The following SUMF1 variants were observed in gnomAD, a reference collection of about 807,000 sequenced individuals.
The protein encoded by SUMF1 is sulfatase modifying factor 1.
A neutral mutation model predicts 47.6 loss-of-function variants in SUMF1; 48 were observed. The ratio of observed to expected loss-of-function variants is 1.01; its 90% CI spans 0.80 to 1.28. The LOEUF is 1.28. SUMF1 is among the 50% of genes most tolerant of loss of function. The pLI, the probability that SUMF1 is intolerant of heterozygous loss-of-function variation, is 0.00. For synonymous variants in SUMF1, 230 were observed against 192.1 expected, an observed-to-expected ratio of 1.20 and a Z score of -1.63; for missense variants, 571 against 485.4, an observed-to-expected ratio of 1.18 and a Z score of -1.66.
At chr3:4,217,581 C>T (rs963467645) in intron 8 of SUMF1, among the ~76,000 whole-genome samples, 1 of 97,758 alleles carries the variant, frequency 1.0e-5, no homozygotes, top group Non-Finnish European at 2.2e-5. Flanking sequence ...CCTTCAGAGA[C>T]AACATTTTGT....
At chr3:4,152,712 C>T (rs1387063493) in intron 8 of SUMF1, among the ~76,000 whole-genome samples, 2 of 151,482 alleles carry the variant, frequency 1.3e-5, no homozygotes, top group East Asian at 1.9e-4. Flanking sequence ...CTTGGCTAGA[C>T]CAATGCTTCA....
chr3:4,107,109 G>C (rs1693176411), intron 8 of SUMF1, among the ~76,000 whole-genome samples: 1 of 152,010 alleles, frequency 6.6e-6, no homozygotes, highest in Admixed American at 6.6e-5. Context: ...GGGCATGGAG[G>C]AGCTTCACGG....
intron 9 of SUMF1, among the ~76,000 whole-genome samples, chr3:4,053,257 T>C (rs1276744030): frequency 1.3e-5 from 2 of 152,058 alleles, no homozygotes; most frequent in Non-Finnish European, 2.9e-5. Flanking sequence ...CACACAAGAT[T>C]TATCGATTAA....
chr3:4,276,995 T>C (rs1195683957), intron 8 of SUMF1, among the ~76,000 whole-genome samples: 5 of 152,142 alleles, frequency 3.3e-5, no homozygotes, highest in Non-Finnish European at 7.4e-5. Flanking sequence ...GAAAGAAAGA[T>C]GAGGTAAAAT....
intron 7 of SUMF1, among the ~76,000 whole-genome samples, chr3:4,403,399 T>G (rs1230637402): frequency 1.3e-5 from 2 of 152,164 alleles, no homozygotes; most frequent in African/African-American, 4.8e-5. Context: ...ATGCTGTGTA[T>G]AATTCTGGGT....
intron 8 of SUMF1, among the ~76,000 whole-genome samples, chr3:4,327,916 G>A (rs1698977261): frequency 6.6e-6 from 1 of 152,126 alleles, no homozygotes; most frequent in African/African-American, 2.4e-5. Context: ...ATAATTCAAG[G>A]ATTTTAAAAG....
chr3:4,108,481 T>A (rs1489860053), intron 8 of SUMF1, among the ~76,000 whole-genome samples: 2 of 152,074 alleles, frequency 1.3e-5, no homozygotes, highest in African/African-American at 4.8e-5. Flanking sequence ...ATATCCTTGT[T>A]AACTTTCTGT....
chr3:4,140,066 G>A (rs952644), intron 8 of SUMF1, among the ~76,000 whole-genome samples: 66,921 of 151,704 alleles, frequency 0.44, 15,302 homozygotes, highest in Non-Finnish European at 0.5. Context: ...CACTGTTCTC[G>A]CCTAACTCAA....
intron 9 of SUMF1, among the ~76,000 whole-genome samples, chr3:4,040,504 T>G (rs910535468): frequency 2.0e-5 from 3 of 152,304 alleles, no homozygotes; most frequent in Admixed American, 6.5e-5. Flanking sequence ...ATATATTTAT[T>G]GAACATGCAA....
chr3:4,378,054 A>G (rs1426904851), intron 7 of SUMF1, among the ~76,000 whole-genome samples: 1 of 152,256 alleles, frequency 6.6e-6, no homozygotes, highest in East Asian at 1.9e-4. Context: ...TTCCAGGTAC[A>G]GATGCTCCTT....
At chr3:4,207,760 G>A (rs1363946199) in intron 8 of SUMF1, among the ~76,000 whole-genome samples, 4 of 152,054 alleles carry the variant, frequency 2.6e-5, no homozygotes, top group African/African-American at 9.7e-5. Context: ...GCAAACCTCT[G>A]CCCCAAAAAC....
chr3:4,170,471 A>C (rs981297653), intron 8 of SUMF1, among the ~76,000 whole-genome samples: 1 of 152,206 alleles, frequency 6.6e-6, no homozygotes, highest in East Asian at 1.9e-4. Context: ...CACCAATTTA[A>C]GCGTGATGTA....
At chr3:4,310,501 C>T (rs923495821) in intron 8 of SUMF1, among the ~76,000 whole-genome samples, 8 of 152,166 alleles carry the variant, frequency 5.3e-5, no homozygotes, top group Non-Finnish European at 7.4e-5. Flanking sequence ...ATATCCATCA[C>T]GGGGAAAAAA....
chr3:4,226,270 T>TC (rs1696172375), intron 8 of SUMF1, among the ~76,000 whole-genome samples: 1 of 95,634 alleles, frequency 1.0e-5, no homozygotes, highest in African/African-American at 5.0e-5. Context: ...GTTTCTTTTT[T>TC]TTTTTTTTTT....
At chr3:4,147,093 T>C (rs1694213253) in intron 8 of SUMF1, among the ~76,000 whole-genome samples, 1 of 152,094 alleles carries the variant, frequency 6.6e-6, no homozygotes, top group Admixed American at 6.5e-5. Context: ...ATCAGAGAAA[T>C]GCAAATCAAA....
At chr3:4,264,463 A>G (rs1449213436) in intron 8 of SUMF1, among the ~76,000 whole-genome samples, 3 of 152,222 alleles carry the variant, frequency 2.0e-5, no homozygotes, top group Non-Finnish European at 4.4e-5. Flanking sequence ...TGAACATTTC[A>G]TGAGCCATGG....
At chr3:4,144,394 A>T (rs1559507931) in intron 8 of SUMF1, among the ~76,000 whole-genome samples, 1 of 152,136 alleles carries the variant, frequency 6.6e-6, no homozygotes, top group Non-Finnish European at 1.5e-5. Flanking sequence ...AAGGTGGAGG[A>T]AGGCAGAAAA....
At chr3:4,111,178 C>T (rs990980832) in intron 8 of SUMF1, among the ~76,000 whole-genome samples, 6 of 151,740 alleles carry the variant, frequency 4.0e-5, no homozygotes, top group South Asian at 2.1e-4. Flanking sequence ...TACTCAAGTC[C>T]CACAGTTGGC....
At chr3:4,341,373 G>A (rs1402438102) in intron 8 of SUMF1, among the ~76,000 whole-genome samples, 3 of 152,054 alleles carry the variant, frequency 2.0e-5, no homozygotes, top group Admixed American at 6.5e-5. Flanking sequence ...GTAAACTAAG[G>A]GCATTTTGGT....
Sources: allele counts gnomAD v4.1 joint callset (sites outside exome capture counted in the v4.1 genomes callset), GRCh38; gene constraint gnomAD v4.1.1; transcripts MANE v1.5; gene names NCBI Gene and HGNC (gene_info 2026-07-23, HGNC 2026-07-21).